Variants in ZBTB45 observed in about 807,000 individuals in gnomAD.
ZBTB45 encodes the protein zinc finger and BTB domain containing 45.
ZBTB45 carries 22 observed loss-of-function variants against 28.4 expected under a neutral mutation model. The ratio of observed to expected loss-of-function variants is 0.77; its 90% CI spans 0.55 to 1.10. ZBTB45 has a LOEUF of 1.10. Among genes scored for constraint, ZBTB45 ranks in the 50% least tolerant of loss-of-function variants. The pLI is 0.00. For missense variants in ZBTB45, 656 were observed against 750.2 expected (o/e 0.87, Z 1.47); for synonymous variants, 361 against 332.3 (o/e 1.09, Z -0.94).
At position 58,516,333 on chromosome 19, in the gene ZBTB45, T is replaced by G; in HGVS notation, c.1279+62A>C. 2 of 1,596,922 alleles carry G rather than the reference T, an allele frequency of 1.3e-6. No homozygotes were observed. The highest frequency in any genetic ancestry group is 1.7e-6 in the Non-Finnish European group (2 of 1,168,918). On this transcript the variant is annotated intron_variant, in intron 2 of 2. Transcript: ENST00000594051. This position sits in a 1 kb window ranked among gnomAD's most constrained non-coding sequence, Gnocchi z 6.2. ...CAGTGCCCTGTAACTAGTGCTCAAT[T>G]CCCCCTCAGGTTTAACTCTCCGATG...
At chr19:58,537,086 G>T (rs1379413067) in intron 1 of ZBTB45, among the ~76,000 whole-genome samples, 2 of 152,096 alleles carry the variant, frequency 1.3e-5, no homozygotes, top group Admixed American at 1.3e-4. Flanking sequence ...GAGGTCCCTA[G>T]TCTTACTCTC....
At position 58,517,727 on chromosome 19, in the gene ZBTB45, C is replaced by A. The variant is rs772763409; in HGVS notation, c.1-54G>T. 2.0e-5 allele frequency: 31 copies of A among 1,523,838 alleles called. No individual in the cohort carries two copies. The Middle Eastern group carries it at 5.2e-4, about 25-fold the overall frequency. 94.4% of individuals were successfully genotyped at this position (1,523,838 alleles called of 1,614,324 possible). A position where few individuals can be genotyped will look rare whatever the true frequency, so the allele number is the denominator to read the frequency against. On this transcript the variant is annotated intron_variant, in intron 1 of 2. Transcript: ENST00000594051. The stretch of plus-strand genomic sequence containing the variant: ...AGGTCAACTGAGGACCCCCATCTGT[C>A]CCAACGTCCCTGTCCCCTCACCCCT...
At chr19:58,527,613 G>A (rs2053614690) in intron 1 of ZBTB45, among the ~76,000 whole-genome samples, 1 of 152,204 alleles carries the variant, frequency 6.6e-6, no homozygotes, top group African/African-American at 2.4e-5. Flanking sequence ...CCACTCAGGA[G>A]TGGCTAGTCT....
In ZBTB45 at chr19:58,516,277, C is replaced by T. The variant is rs1205928948; in HGVS notation, c.1279+118G>A. 2.3e-6 allele frequency: 3 copies of T among 1,312,790 alleles called. No individual in the cohort carries two copies. In the African/African-American group the frequency reaches 4.4e-5, roughly 19 times the overall value. The allele number at this position is 1,312,790 out of a possible 1,614,324, so 81.3% of individuals were successfully genotyped here. A position where few individuals can be genotyped will look rare whatever the true frequency, so the allele number is the denominator to read the frequency against. ...TTGGGGGAAGGCTCAATTTCTAGGC[C>T]CCCTGCTAACCAAAAGTAACAGAAC... On this transcript the variant is annotated intron_variant, in intron 2 of 2. Transcript: ENST00000594051. The surrounding 1 kb of genome is among the most constrained non-coding windows in gnomAD (Gnocchi z 6.2).
At chr19:58,534,582 A>C (rs1428406726) in intron 1 of ZBTB45, among the ~76,000 whole-genome samples, 2 of 116,322 alleles carry the variant, frequency 1.7e-5, no homozygotes, top group Non-Finnish European at 3.5e-5. Flanking sequence ...TTTGAGGCGG[A>C]GTCTCACTCT....
intron 1 of ZBTB45, among the ~76,000 whole-genome samples, chr19:58,534,221 G>A (rs1273209234): frequency 1.3e-5 from 2 of 152,132 alleles, no homozygotes; most frequent in Non-Finnish European, 2.9e-5. Flanking sequence ...GTTGGAGGGG[G>A]ACTGTGGAGT....
chr19:58,519,397 C>T (rs1218806834), intron 1 of ZBTB45: 2 of 152,320 alleles, frequency 1.3e-5, no homozygotes, highest in Non-Finnish European at 2.9e-5. Context: ...GCCGCAAGGC[C>T]GGCCTGGACA....
chr19:58,532,297 T>C (rs1199135250), intron 1 of ZBTB45, among the ~76,000 whole-genome samples: 5 of 152,178 alleles, frequency 3.3e-5, no homozygotes, highest in South Asian at 2.1e-4. Flanking sequence ...GTAATTGTGA[T>C]TTAGGTTCTT....
Position 58,514,060 on chromosome 19 carries a change from C to T in ZBTB45, c.1530G>A (p.Ala510=), listed in dbSNP as rs751024222. ...AGGCCAGGCCCCAGCGCCATCAGGG[C>T]GCAGGGTGCGCCGCCAGGTGGCGCT... ...LLERHLAAHP[A]P Residue 510 remains alanine (A), a synonymous_variant, in exon 3 of 3, where the codon GCG becomes GCA. Coordinates refer to ENST00000594051, the MANE Select transcript of ZBTB45 (RefSeq NM_001316979.2). 2.6e-5 allele frequency: 38 copies of T among 1,479,678 alleles called. No homozygotes were observed. The highest frequency in any genetic ancestry group is 3.2e-5 in the Non-Finnish European group (36 of 1,120,654). The allele number at this position is 1,479,678 out of a possible 1,614,324, so 91.7% of individuals were successfully genotyped here.
chr19:58,522,088 C>T (rs373853155), upstream of ZBTB45, among the ~76,000 whole-genome samples: 45 of 151,504 alleles, frequency 3.0e-4, no homozygotes, highest in East Asian at 7.6e-3. Context: ...TTTGGGAGGC[C>T]GAGGCGGGTG....
rs1276545346 is a variant in ZBTB45 at position 58,517,791 on chromosome 19, C to T, written c.1-118G>A. ...GGCTCGAGTGCACCACACTCCAAGG[C>T]GCGCTAACCCATCCCTCCCCAGCTG... is the stretch of plus-strand genomic sequence containing the variant. On this transcript the variant is annotated intron_variant, in intron 1 of 2. Coordinates refer to ENST00000594051, the MANE Select transcript of ZBTB45 (RefSeq NM_001316979.2). 23 of 900,634 alleles carry T rather than the reference C, an allele frequency of 2.6e-5. 1 individual carries two copies. Among genetic ancestry groups the T allele is most frequent in the South Asian group, 6.7e-5 (4 of 59,542 alleles). The allele number at this position is 900,634 out of a possible 1,614,324, so 55.8% of individuals were successfully genotyped here. A position where few individuals can be genotyped will look rare whatever the true frequency, so the allele number is the denominator to read the frequency against.
chr19:58,529,532 A>T (rs1340243070), intron 1 of ZBTB45, among the ~76,000 whole-genome samples: 1 of 152,226 alleles, frequency 6.6e-6, no homozygotes, highest in African/African-American at 2.4e-5. Context: ...TCACTACAAA[A>T]TAAAAACTTT....
At chr19:58,534,391 A>G (rs1168542061) in intron 1 of ZBTB45, among the ~76,000 whole-genome samples, 1 of 151,798 alleles carries the variant, frequency 6.6e-6, no homozygotes, top group South Asian at 2.1e-4. Context: ...GAATATTATT[A>G]TTATTATTAT....
chr19:58,516,839 C>G lies in ZBTB45; in HGVS notation c.835G>C (p.Ala279Pro). ...GRDFLRGAGS[A>P]EDVFPDSYVS... ...TAGCTGTCTGGAAATACGTCCTCAGCTGACCCAGCTCCCCGAAGAAAATCT... is the reference window on the plus strand; with the variant it reads ...TAGCTGTCTGGAAATACGTCCTCAGGTGACCCAGCTCCCCGAAGAAAATCT... Residue 279 changes from alanine (A) to proline (P), a missense_variant, in exon 2 of 3, where the codon GCT becomes CCT. Transcript: ENST00000594051. This position sits in a 1 kb window ranked among gnomAD's most constrained non-coding sequence, Gnocchi z 6.2. The G allele has an allele frequency of 6.2e-7, 1 of 1,613,592 alleles. No individual in the cohort carries two copies. Among genetic ancestry groups the G allele is most frequent in the Admixed American group, 1.7e-5 (1 of 60,016 alleles).
rs530036762 is a variant in ZBTB45, at chr19:58,525,785, A to G, written c.1-8112T>C. Among the ~76,000 whole-genome samples, 6 of 152,332 alleles carry G rather than the reference A, an allele frequency of 3.9e-5. No homozygotes were observed. In the East Asian group the frequency reaches 1.2e-3, roughly 29 times the overall value. ...TGTAAAATACAAAGAAGAAGGTACT[A>G]CCAGCCCTGTGGACAGAGGCCTGAG... On this transcript the variant is annotated intron_variant, in intron 1 of 1. Coordinates refer to the ZBTB45 transcript ENST00000600130.
rs1255260320 is a variant in ZBTB45, at chr19:58,515,354, A to C, written c.1279+1041T>G. Among the ~76,000 whole-genome samples, 1 of 150,658 alleles carries C rather than the reference A, an allele frequency of 6.6e-6. No homozygotes were observed. Among genetic ancestry groups the C allele is most frequent in the East Asian group, 1.9e-4 (1 of 5,150 alleles). On this transcript the variant is annotated intron_variant, in intron 2 of 2. Transcript: ENST00000594051. This position sits in a 1 kb window ranked among gnomAD's most constrained non-coding sequence, Gnocchi z 4.7. ...AAAAAAAAAACCCTATCTCAGTGGC[A>C]GTGGACTGAAAGGCAGTGCCTGCCA...
At chr19:58,529,084 C>CAAAAAAAAAAAAAAAAAAAA (rs1231496438) in intron 1 of ZBTB45, among the ~76,000 whole-genome samples, 19 of 61,378 alleles carry the variant, frequency 3.1e-4, no homozygotes, top group African/African-American at 8.7e-4. Flanking sequence ...AACTCCATCT[C>CAAAAAAAAAAAAAAAAAAAA]AAAAAAAAAA....
At chr19:58,530,115 G>T (rs918375372) in intron 1 of ZBTB45, among the ~76,000 whole-genome samples, 3 of 151,978 alleles carry the variant, frequency 2.0e-5, no homozygotes, top group Non-Finnish European at 4.4e-5. Flanking sequence ...GAGGCAGGAG[G>T]ATCACTTGAG....
In ZBTB45 at chr19:58,517,004, C is replaced by T. The variant is rs780277513; in HGVS notation, c.670G>A (p.Glu224Lys). Residue 224 changes from glutamate to lysine, a missense_variant, in exon 2 of 3, where the codon GAA becomes AAA. Glu to Lys is a moderately conservative substitution (Grantham distance 56). Coordinates refer to ENST00000594051, the MANE Select transcript of ZBTB45 (RefSeq NM_001316979.2). The stretch of plus-strand genomic sequence containing the variant: ...TGGCCCTCGCCTGGGCCGCCACCTT[C>T]GCCATCCTCGCCATCGGTCTCATCG... ...SDDETDGEDG[E>K]GGGPGEGQAP... 20 of 1,613,098 alleles carry T rather than the reference C, an allele frequency of 1.2e-5. No individual in the cohort carries two copies. Among genetic ancestry groups the T allele is most frequent in the African/African-American group, 5.3e-5 (4 of 74,948 alleles).
Sources: gnomAD v4.1 joint callset for allele counts (sites outside exome capture counted in the v4.1 genomes callset) on GRCh38, gnomAD v4.1.1 for gene constraint, Gnocchi (gnomAD v3.1) non-coding constraint, MANE v1.5 for transcripts, NCBI Gene and HGNC (gene_info 2026-07-23, HGNC 2026-07-21) for gene names.